The following TRIM58 variants were observed in gnomAD, a reference collection of about 807,000 sequenced individuals.
TRIM58 encodes E3 ubiquitin-protein ligase TRIM58.
Under a neutral mutation model 34.1 loss-of-function variants are expected in TRIM58, and 38 were observed. The ratio of observed to expected loss-of-function variants is 1.12; its 90% CI spans 0.86 to 1.46. TRIM58 has a LOEUF of 1.46. TRIM58 is among the 40% of genes most tolerant of loss of function. The probability of loss-of-function intolerance (pLI) is 0.00; values close to 1 mark genes in which losing one functional copy is unlikely to be tolerated. For missense variants in TRIM58, 677 were observed against 642.0 expected, an observed-to-expected ratio of 1.05 and a Z score of -0.59; for synonymous variants, 273 against 275.7, an observed-to-expected ratio of 0.99 and a Z score of 0.10.
At chr1:247,863,320 G>A (rs11204526) in intron 2 of TRIM58, among the ~76,000 whole-genome samples, 149,385 of 152,272 alleles carry the variant, frequency 0.98, 73,340 homozygotes, top group East Asian at 1. Context: ...CGGGCCGATC[G>A]TGAGGTCAGG....
intron 1 of TRIM58, among the ~76,000 whole-genome samples, chr1:247,859,412 A>G (rs1247052230): frequency 6.6e-6 from 1 of 152,168 alleles, no homozygotes; most frequent in African/African-American, 2.4e-5. Context: ...ATATATAACA[A>G]TTATAATATT....
rs777919004 is a variant in TRIM58, at chr1:247,867,992, A to G, written c.800A>G (p.Glu267Gly). 6.2e-7 allele frequency: 1 copy of G among 1,613,156 alleles called. No homozygotes were observed. The highest frequency in any genetic ancestry group is 2.2e-5 in the East Asian group (1 of 44,878). Residue 267 changes from glutamate to glycine, a missense_variant, in exon 5 of 6, where the codon GAG (glutamate) becomes GGG (glycine). Physicochemically the swap from Glu to Gly is moderately conservative, Grantham distance 98. Coordinates refer to ENST00000366481, the MANE Select transcript of TRIM58 (RefSeq NM_015431.4). ...AAGGCTGTCACAAGGCTGGAAGCAG[A>G]GAACATCCCCATGGAACTGAAGACA... Reference protein sequence around the residue: ...RSKAVTRLEAENIPMELKTAC... With the variant: ...RSKAVTRLEAGNIPMELKTAC...
intron 2 of TRIM58, among the ~76,000 whole-genome samples, chr1:247,863,880 C>T (rs547580465): frequency 6.6e-6 from 1 of 152,180 alleles, no homozygotes; most frequent in Non-Finnish European, 1.5e-5. Flanking sequence ...GTGGCCTGAG[C>T]ATCACTTAGT....
chr1:247,857,378 C>A lies in TRIM58; in HGVS notation c.132C>A (p.Cys44Ter), dbSNP rs1663656559. Residue 44 changes from cysteine to a stop codon, truncating the protein, a stop_gained, in exon 1 of 6, where the codon TGC becomes TGA. Transcript: ENST00000366481. LOFTEE classifies it high-confidence loss of function. The part of the protein sequence containing the change: ...SFCLRCISEF[C>*]EKSDGAQGGV... The stretch of plus-strand genomic sequence containing the variant: ...GCCTCAGGTGCATCTCCGAGTTCTG[C>A]GAGAAGTCGGACGGCGCGCAGGGCG... 3.3e-6 allele frequency: 5 copies of A among 1,526,054 alleles called. No individual in the cohort carries two copies. Among genetic ancestry groups the A allele is most frequent in the South Asian group, 2.5e-5 (2 of 80,386 alleles). The allele number at this position is 1,526,054 out of a possible 1,614,324, so 94.5% of individuals were successfully genotyped here. A position where few individuals can be genotyped will look rare whatever the true frequency, so the allele number is the denominator to read the frequency against.
chr1:247,868,480 T>C (rs1663980892), intron 5 of TRIM58, among the ~76,000 whole-genome samples: 1 of 152,144 alleles, frequency 6.6e-6, no homozygotes, highest in Non-Finnish European at 1.5e-5. Context: ...AAACAGCCAA[T>C]CAGTTCTCCA....
chr1:247,875,318 G>GTTTATAAA (rs1426510162), intron 5 of TRIM58, among the ~76,000 whole-genome samples: 1 of 152,050 alleles, frequency 6.6e-6, no homozygotes, highest in East Asian at 1.9e-4. Context: ...TTCCTAAGGG[G>GTTTATAAA]TTTATAAATT....
At chr1:247,871,630 T>G (rs1184596095) in intron 5 of TRIM58, among the ~76,000 whole-genome samples, 1 of 152,158 alleles carries the variant, frequency 6.6e-6, no homozygotes, top group Non-Finnish European at 1.5e-5. Context: ...CCCAACTTGA[T>G]TAAAATCGTC....
chr1:247,864,981 A>G (rs753547259), intron 3 of TRIM58, 46 bp downstream of exon 3: 1 of 1,489,612 alleles, frequency 6.7e-7, no homozygotes, highest in South Asian at 1.2e-5. Flanking sequence ...GACTCAGGTG[A>G]CAGAGACTAG....
At chr1:247,864,588 G>C in intron 2 of TRIM58, 117 bp from the exon 3 acceptor site, 1 of 1,009,512 alleles carries the variant, frequency 9.9e-7, no homozygotes, top group Non-Finnish European at 1.5e-6. Flanking sequence ...GATGCAACCA[G>C]TGAGTCCACA....
At chr1:247,872,117 C>G (rs1210869769) in intron 5 of TRIM58, among the ~76,000 whole-genome samples, 1 of 152,174 alleles carries the variant, frequency 6.6e-6, no homozygotes. Flanking sequence ...GCTAGATAGG[C>G]AGGCCATGCT....
intron 5 of TRIM58, among the ~76,000 whole-genome samples, chr1:247,869,715 A>G (rs1659040542): frequency 1.3e-5 from 2 of 152,214 alleles, no homozygotes; most frequent in South Asian, 4.1e-4. Context: ...GGCTAAGTCA[A>G]ACTATCAAGG....
At position 247,868,066 on chromosome 1, in the gene TRIM58, A is replaced by C; in HGVS notation, c.871+3A>C. 1 of 1,599,834 alleles carries C rather than the reference A, an allele frequency of 6.3e-7. No individual in the cohort carries two copies. Among genetic ancestry groups the C allele is most frequent in the South Asian group, 1.1e-5 (1 of 88,660 alleles). On this transcript the variant is annotated splice_donor_region_variant and intron_variant, in intron 5 of 5. Coordinates refer to ENST00000366481, the MANE Select transcript of TRIM58 (RefSeq NM_015431.4). ...GGAGCTCTTAAGGAAGTTCCAAGGT[A>C]GTTGCATCTTAGAGACTGGGAATTA...
At chr1:247,864,022 G>A (rs186370772) in intron 2 of TRIM58, among the ~76,000 whole-genome samples, 72 of 152,108 alleles carry the variant, frequency 4.7e-4, no homozygotes, top group Non-Finnish European at 8.4e-4. Flanking sequence ...TCATTCAGTT[G>A]TTTCTAGTGG....
chr1:247,857,239 G>A lies in TRIM58; in HGVS notation c.-8G>A, dbSNP rs1663648725. Reference sequence around the variant, plus strand: ...CGGCCGGGAGCGCAGCCCTCCGGGAGGCGGGTCATGGCCTGGGCGCCGCCC... The same window carrying A: ...CGGCCGGGAGCGCAGCCCTCCGGGAAGCGGGTCATGGCCTGGGCGCCGCCC... On this transcript the variant is annotated 5_prime_UTR_variant, in exon 1 of 6. Coordinates refer to ENST00000366481, the MANE Select transcript of TRIM58 (RefSeq NM_015431.4). 2 of 1,313,884 alleles carry A rather than the reference G, an allele frequency of 1.5e-6. No homozygotes were observed. Among genetic ancestry groups the A allele is most frequent in the Non-Finnish European group, 2.0e-6 (2 of 1,024,928 alleles). The allele number at this position is 1,313,884 out of a possible 1,614,324, so 81.4% of individuals were successfully genotyped here.
Position 247,864,743 on chromosome 1 carries a change from G to C in TRIM58, c.555G>C (p.Glu185Asp). The change falls in exon 3 of 6, where the codon GAG (glutamate) becomes GAC (aspartate). Residue 185 changes from glutamate (E) to aspartate (D), a missense_variant. By Grantham distance (45) the Glu-to-Asp change is conservative. Coordinates refer to ENST00000366481, the MANE Select transcript of TRIM58 (RefSeq NM_015431.4). ...VEMQRQRFRL[E>D]FEKHRGFLAQ... ...TGCAGAGGCAGCGCTTCAGATTGGA[G>C]TTTGAGAAGCATCGTGGCTTTCTGG... 1.2e-6 allele frequency: 2 copies of C among 1,614,216 alleles called. No homozygotes were observed. Among genetic ancestry groups the C allele is most frequent in the East Asian group, 2.2e-5 (1 of 44,868 alleles).
chr1:247,876,488 A>C lies in TRIM58; in HGVS notation c.1460A>C (p.Ter487SerextTer9). ...TCTGATGTAAGAGATGATCATCTCT[A>C]AAATTCTGTTCCCAAGATGCAGTCC... Reference protein sequence around the residue: ...PASDVRDDHL* With the variant: ...PASDVRDDHLS The change falls in exon 6 of 6, where the codon TAA (stop) becomes TCA (serine). Residue 487 changes from the stop codon to serine (S), a stop_lost. Coordinates refer to ENST00000366481, the MANE Select transcript of TRIM58 (RefSeq NM_015431.4). 1 of 1,610,100 alleles carries C rather than the reference A, an allele frequency of 6.2e-7. No homozygotes were observed. Among genetic ancestry groups the C allele is most frequent in the Non-Finnish European group, 8.5e-7 (1 of 1,177,210 alleles).
chr1:247,860,785 C>A, intron 2 of TRIM58, 73 bp downstream of exon 2: 5 of 1,166,216 alleles, frequency 4.3e-6, no homozygotes, highest in African/African-American at 1.5e-5. Context: ...ATTCTTCTAC[C>A]ATCTTCCATT....
At chr1:247,871,863 A>C (rs185451938) in intron 5 of TRIM58, among the ~76,000 whole-genome samples, 54 of 152,352 alleles carry the variant, frequency 3.5e-4, no homozygotes, top group African/African-American at 1.3e-3. Flanking sequence ...ATTGAAGAAA[A>C]TCAAAAAGAG....
At chr1:247,870,900 CCGT>C in intron 5 of TRIM58, among the ~76,000 whole-genome samples, 1 of 74,380 alleles carries the variant, frequency 1.3e-5, no homozygotes, top group African/African-American at 7.5e-5. Context: ...TATTCATGAG[CCGT>C]ATCAGAGTCA....
Sources: gnomAD v4.1 joint callset for allele counts (sites outside exome capture counted in the v4.1 genomes callset) on GRCh38, gnomAD v4.1.1 for gene constraint, MANE v1.5 for transcripts, NCBI Gene and HGNC (gene_info 2026-07-23, HGNC 2026-07-21) for gene names.